NKAIN2: variants seen among roughly 807,000 people sequenced by gnomAD.
NKAIN2 encodes the protein sodium/potassium-transporting ATPase subunit beta-1-interacting protein 2.
A neutral mutation model predicts 32.6 loss-of-function variants in NKAIN2; 14 were observed. The observed-to-expected ratio is 0.43, with a 90% confidence interval of 0.28 to 0.67. The LOEUF is 0.67. NKAIN2 is among the 30% of genes least tolerant of loss of function. The pLI, the probability that NKAIN2 is intolerant of heterozygous loss-of-function variation, is 0.17. For synonymous variants in NKAIN2, 80 were observed against 87.2 expected (o/e 0.92, Z 0.46); for missense variants, 198 against 258.3 (o/e 0.77, Z 1.60).
intron 1 of NKAIN2, among the ~76,000 whole-genome samples, chr6:123,993,564 G>A (rs1279947217): frequency 6.6e-6 from 1 of 152,112 alleles, no homozygotes; most frequent in Non-Finnish European, 1.5e-5. Flanking sequence ...TTTAAAGGTT[G>A]ACTCTGGCTG....
At chr6:123,893,429 A>G (rs546603076) in intron 1 of NKAIN2, among the ~76,000 whole-genome samples, 1 of 152,286 alleles carries the variant, frequency 6.6e-6, no homozygotes, top group South Asian at 2.1e-4. Flanking sequence ...CTGGTCTAGA[A>G]CTTATGGCCT....
intron 1 of NKAIN2, among the ~76,000 whole-genome samples, chr6:124,162,704 A>G (rs1343492100): frequency 6.6e-6 from 1 of 152,090 alleles, no homozygotes; most frequent in East Asian, 1.9e-4. Context: ...CTAGTGAAAG[A>G]AGCCATCAAA....
intron 1 of NKAIN2, among the ~76,000 whole-genome samples, chr6:124,223,212 CAAAAAAA>C (rs369262954): frequency 5.9e-5 from 4 of 68,200 alleles, no homozygotes; most frequent in Non-Finnish European, 1.1e-4. Context: ...GACTCCATCT[CAAAAAAA>C]AAAAAAAAAA....
At chr6:124,600,899 T>C (rs975941106) in intron 3 of NKAIN2, among the ~76,000 whole-genome samples, 1 of 151,966 alleles carries the variant, frequency 6.6e-6, no homozygotes, top group Admixed American at 6.6e-5. Context: ...AAAGAATTGA[T>C]CAAGAAGACT....
chr6:124,003,215 A>T (rs1779946485), intron 1 of NKAIN2, among the ~76,000 whole-genome samples: 1 of 152,208 alleles, frequency 6.6e-6, no homozygotes, highest in Non-Finnish European at 1.5e-5. Context: ...ATGGAGATAA[A>T]AATCTGGAGT....
At chr6:124,748,153 G>A (rs1432898525) in intron 4 of NKAIN2, among the ~76,000 whole-genome samples, 2 of 151,872 alleles carry the variant, frequency 1.3e-5, no homozygotes, top group Non-Finnish European at 2.9e-5. Context: ...AGAACAATAA[G>A]GCCACAACAC....
chr6:124,523,083 C>T (rs1779179214), intron 3 of NKAIN2, among the ~76,000 whole-genome samples: 1 of 81,376 alleles, frequency 1.2e-5, no homozygotes, highest in East Asian at 5.3e-4. Flanking sequence ...GCGGAGCTTG[C>T]AGTGAGCCGA....
chr6:124,438,555 C>T (rs770637128), intron 3 of NKAIN2, among the ~76,000 whole-genome samples: 1 of 152,136 alleles, frequency 6.6e-6, no homozygotes, highest in African/African-American at 2.4e-5. Context: ...AAAACAAAAA[C>T]TCAGGGCTTA....
chr6:123,917,251 T>A (rs1460665779), intron 1 of NKAIN2, among the ~76,000 whole-genome samples: 2 of 152,026 alleles, frequency 1.3e-5, no homozygotes, highest in African/African-American at 2.4e-5. Context: ...TTTTTTTTTT[T>A]ATTTTTCCAT....
intron 3 of NKAIN2, among the ~76,000 whole-genome samples, chr6:124,558,189 A>G (rs1208773892): frequency 6.6e-6 from 1 of 152,208 alleles, no homozygotes; most frequent in East Asian, 1.9e-4. Context: ...GGCCAGACAG[A>G]ATGCTTTTTT....
At chr6:124,057,057 C>T (rs1782688125) in intron 1 of NKAIN2, among the ~76,000 whole-genome samples, 1 of 152,054 alleles carries the variant, frequency 6.6e-6, no homozygotes, top group Non-Finnish European at 1.5e-5. Flanking sequence ...GTTAACCATC[C>T]ATCATGTTCT....
At chr6:124,497,280 C>T (rs1778097384) in intron 3 of NKAIN2, among the ~76,000 whole-genome samples, 1 of 152,036 alleles carries the variant, frequency 6.6e-6, no homozygotes, top group South Asian at 2.1e-4. Flanking sequence ...ATGCTTTTTA[C>T]AAGATGTATG....
intron 3 of NKAIN2, among the ~76,000 whole-genome samples, chr6:124,526,324 A>T (rs1779311498): frequency 1.3e-5 from 2 of 152,122 alleles, no homozygotes; most frequent in Non-Finnish European, 1.5e-5. Flanking sequence ...GGTAGGCAAG[A>T]AGAAGCACTT....
Position 124,631,115 on chromosome 6 carries a change from C to T in NKAIN2, c.274-27071C>T, listed in dbSNP as rs573882022. On this transcript the variant is annotated intron_variant, in intron 3 of 6. Coordinates refer to ENST00000368417, the MANE Select transcript of NKAIN2 (RefSeq NM_001040214.3). The stretch of plus-strand genomic sequence containing the variant: ...GTTCTAGCTGTGAACAATCACTGAT[C>T]GGTGAAAAATTATTAAAATTGCTCC... Among the ~76,000 whole-genome samples, 54 of 152,202 alleles carry T rather than the reference C, an allele frequency of 3.5e-4. No individual in the cohort carries two copies. The Middle Eastern group carries it at 0.024, about 67-fold the overall frequency.
intron 4 of NKAIN2, among the ~76,000 whole-genome samples, chr6:124,790,721 T>A (rs1022937853): frequency 6.6e-6 from 1 of 152,086 alleles, no homozygotes; most frequent in Non-Finnish European, 1.5e-5. Context: ...CTTTTTGTAG[T>A]GTTTCAGAAA....
At chr6:124,674,070 A>C (rs1251830068) in intron 4 of NKAIN2, among the ~76,000 whole-genome samples, 1 of 151,854 alleles carries the variant, frequency 6.6e-6, no homozygotes, top group Non-Finnish European at 1.5e-5. Flanking sequence ...TTTCTTTTGC[A>C]TGTGGATATT....
At chr6:124,498,468 G>A (rs1330385087) in intron 3 of NKAIN2, among the ~76,000 whole-genome samples, 2 of 152,106 alleles carry the variant, frequency 1.3e-5, no homozygotes, top group Admixed American at 6.6e-5. Flanking sequence ...ATACAGAAAC[G>A]TTGTGAGGTT....
At chr6:124,509,571 G>A (rs1778630863) in intron 3 of NKAIN2, among the ~76,000 whole-genome samples, 1 of 152,202 alleles carries the variant, frequency 6.6e-6, no homozygotes, top group Non-Finnish European at 1.5e-5. Flanking sequence ...TGTTTGGTGA[G>A]CTCATGACTT....
At chr6:124,191,220 A>C (rs1416669138) in intron 1 of NKAIN2, among the ~76,000 whole-genome samples, 1 of 152,140 alleles carries the variant, frequency 6.6e-6, no homozygotes, top group Non-Finnish European at 1.5e-5. Context: ...TATAGATCCA[A>C]ATTTAATCTT....
Sources: allele counts gnomAD v4.1 joint callset (sites outside exome capture counted in the v4.1 genomes callset), GRCh38; gene constraint gnomAD v4.1.1; transcripts MANE v1.5; gene names NCBI Gene and HGNC (gene_info 2026-07-23, HGNC 2026-07-21).